CNTN3: variants seen among roughly 807,000 people sequenced by gnomAD.
The protein encoded by CNTN3 is contactin-3.
CNTN3 carries 60 observed loss-of-function variants against 119.1 expected under a neutral mutation model. The observed-to-expected ratio is 0.50, with a 90% CI of 0.41 to 0.62. The LOEUF (loss-of-function observed/expected upper bound fraction) is 0.62, where lower values mean the gene tolerates loss of function less well. Among genes scored for constraint, CNTN3 ranks in the 20% least tolerant of loss-of-function variants. CNTN3 has a pLI of 0.00. For missense variants in CNTN3, 1,101 were observed against 1,242.4 expected, an observed-to-expected ratio of 0.89 and a Z score of 1.71; for synonymous variants, 450 against 438.7, an observed-to-expected ratio of 1.03 and a Z score of -0.32.
intron 20 of CNTN3, among the ~76,000 whole-genome samples, chr3:74,275,915 C>T (rs1701870190): frequency 6.6e-6 from 1 of 152,030 alleles, no homozygotes; most frequent in Admixed American, 6.6e-5. Flanking sequence ...CACATAGGGA[C>T]TCACATGAAA....
intron 2 of CNTN3, among the ~76,000 whole-genome samples, chr3:74,512,692 C>CAAAAAAAAAAAAAAAAAAAAA (rs66822650): frequency 3.5e-5 from 3 of 85,258 alleles, no homozygotes; most frequent in African/African-American, 4.7e-5. Flanking sequence ...CATAATCAAG[C>CAAAAAAAAAAAAAAAAAAAAA]AAAAAAAAAA....
intron 4 of CNTN3, among the ~76,000 whole-genome samples, chr3:74,433,322 G>A (rs1575720398): frequency 6.6e-6 from 1 of 152,232 alleles, no homozygotes; most frequent in Middle Eastern, 3.4e-3. Flanking sequence ...TTTGGGAGGT[G>A]GGAATCAGAG....
chr3:74,412,902 G>T (rs1260354279), intron 5 of CNTN3, among the ~76,000 whole-genome samples: 1 of 152,084 alleles, frequency 6.6e-6, no homozygotes. Context: ...GAATAATGTA[G>T]ACTGGCTATC....
chr3:74,312,299 A>G (rs1702704366), intron 13 of CNTN3, among the ~76,000 whole-genome samples: 1 of 151,724 alleles, frequency 6.6e-6, no homozygotes, highest in Non-Finnish European at 1.5e-5. Context: ...TAAAAAAAAT[A>G]CAAAAAACTA....
intron 1 of CNTN3, among the ~76,000 whole-genome samples, chr3:74,581,721 C>T (rs997068568): frequency 4.6e-5 from 7 of 152,014 alleles, no homozygotes; most frequent in East Asian, 1.9e-4. Context: ...TTTCTACCTA[C>T]GACAATTTAG....
intron 19 of CNTN3, among the ~76,000 whole-genome samples, chr3:74,291,863 G>T (rs1190664665): frequency 6.6e-6 from 1 of 152,110 alleles, no homozygotes; most frequent in African/African-American, 2.4e-5. Flanking sequence ...TGGTGAGTGA[G>T]AAATCACTGC....
At position 74,575,603 on chromosome 3, in the gene CNTN3, C is replaced by T. The variant is rs550272821; in HGVS notation, c.-81+38788G>A. 2.0e-3 allele frequency among the ~76,000 whole-genome samples: 42 copies of T among 20,548 alleles called. No homozygotes were observed. The East Asian group carries it at 0.047, about 23-fold the overall frequency. The allele number at this position is 20,548 out of a possible 152,430, so 13.5% of individuals were successfully genotyped here. ...GTGATTCATTTCCTCTTCAGTCTCT[C>T]CCAACACACACACACACACACACAC... is the stretch of plus-strand genomic sequence containing the variant. On this transcript the variant is annotated intron_variant, in intron 1 of 22. Transcript: ENST00000263665.
At chr3:74,612,381 T>G (rs1376804918) in intron 1 of CNTN3, among the ~76,000 whole-genome samples, 1 of 152,238 alleles carries the variant, frequency 6.6e-6, no homozygotes, top group Non-Finnish European at 1.5e-5. Flanking sequence ...TCCTATTAAA[T>G]GCTTTGTTGC....
At chr3:74,327,128 T>G (rs571987611) in intron 13 of CNTN3, among the ~76,000 whole-genome samples, 3,314 of 142,012 alleles carry the variant, frequency 0.023, 154 homozygotes, top group African/African-American at 0.064. Context: ...TTTTTTTTTT[T>G]TTTGTTTGTT....
chr3:74,562,460 T>C (rs770911897), intron 1 of CNTN3, among the ~76,000 whole-genome samples: 12 of 152,178 alleles, frequency 7.9e-5, no homozygotes, highest in Non-Finnish European at 1.8e-4. Flanking sequence ...TTAGATGCTA[T>C]GGCAACTGCA....
intron 4 of CNTN3, among the ~76,000 whole-genome samples, chr3:74,446,660 T>C (rs1475713578): frequency 3.4e-5 from 5 of 148,738 alleles, no homozygotes; most frequent in African/African-American, 9.9e-5. Context: ...AAATAAAATA[T>C]ATTATTCAAG....
At chr3:74,574,371 T>C (rs1251446236) in intron 1 of CNTN3, among the ~76,000 whole-genome samples, 1 of 152,218 alleles carries the variant, frequency 6.6e-6, no homozygotes, top group Non-Finnish European at 1.5e-5. Context: ...ATAGTGGTGA[T>C]GGTTGTCACA....
intron 3 of CNTN3, among the ~76,000 whole-genome samples, chr3:74,487,758 A>G (rs1167860281): frequency 2.0e-5 from 3 of 152,088 alleles, no homozygotes; most frequent in Admixed American, 6.6e-5. Flanking sequence ...TGTGAACATC[A>G]TCTCAAATAC....
At position 74,301,778 on chromosome 3, in the gene CNTN3, T is replaced by C; in HGVS notation, c.1814A>G (p.Lys605Arg). 1 of 1,614,076 alleles carries C rather than the reference T, an allele frequency of 6.2e-7. No individual in the cohort carries two copies. Among genetic ancestry groups the C allele is most frequent in the South Asian group, 1.1e-5 (1 of 91,086 alleles). The change falls in exon 15 of 23, where the codon AAG becomes AGG. Residue 605 changes from lysine to arginine, a missense_variant. By Grantham distance (26) the Lys-to-Arg change is conservative. Coordinates refer to ENST00000263665, the MANE Select transcript of CNTN3 (RefSeq NM_020872.3). ...RGSPGPPENV[K>R]VDEITDTTAQ... ...TGTTGTGTCTGTAATTTCATCTACC[T>C]TCACATTTTCTGGTGGTCCAGGTGA...
intron 4 of CNTN3, among the ~76,000 whole-genome samples, chr3:74,426,527 G>C (rs1270386204): frequency 6.6e-6 from 1 of 152,134 alleles, no homozygotes; most frequent in East Asian, 1.9e-4. Flanking sequence ...AGAAATAAGA[G>C]GGCCTATGTG....
chr3:74,381,968 G>T (rs1047546463), intron 5 of CNTN3, among the ~76,000 whole-genome samples: 1 of 152,030 alleles, frequency 6.6e-6, no homozygotes, highest in African/African-American at 2.4e-5. Flanking sequence ...CAGCACTTTG[G>T]GAGGCCGAGG....
chr3:74,493,894 G>C (rs1281592550), intron 3 of CNTN3, among the ~76,000 whole-genome samples: 1 of 152,074 alleles, frequency 6.6e-6, no homozygotes, highest in Non-Finnish European at 1.5e-5. Context: ...TTTAAAATGT[G>C]TTTTATGATA....
chr3:74,385,672 A>G (rs1016915495), intron 5 of CNTN3, among the ~76,000 whole-genome samples: 5 of 152,202 alleles, frequency 3.3e-5, no homozygotes, highest in Admixed American at 2.0e-4. Flanking sequence ...CTGGTTGCCA[A>G]CCTGTGGGAT....
Position 74,362,006 on chromosome 3 carries a change from C to T in CNTN3, c.1248G>A (p.Lys416=), listed in dbSNP as rs144924187. 8.7e-6 allele frequency: 14 copies of T among 1,613,502 alleles called. No individual in the cohort carries two copies. The African/African-American group carries it at 1.6e-4, about 18-fold the overall frequency. ...TGCCCACCTGCACCTGAACCAACTT[C>T]TTCATTGGATTCTTTGAAAAATCTG... ...SAPDFSKNPM[K]KLVQVQVGSL... is the part of the protein sequence containing the mutation. The change falls in exon 11 of 23, where the codon AAG becomes AAA. Residue 416 remains lysine, a synonymous_variant. Transcript: ENST00000263665.
Sources: gnomAD v4.1 joint callset for allele counts (sites outside exome capture counted in the v4.1 genomes callset) on GRCh38, gnomAD v4.1.1 for gene constraint, MANE v1.5 for transcripts, NCBI Gene and HGNC (gene_info 2026-07-23, HGNC 2026-07-21) for gene names.